SGCZ: variants seen among roughly 807,000 people sequenced by gnomAD.
SGCZ encodes the protein zeta-sarcoglycan.
SGCZ carries 40 observed loss-of-function variants against 41.3 expected under a neutral mutation model. That is an observed-to-expected ratio of 0.97 (90% CI 0.75 to 1.26). The LOEUF is 1.26. SGCZ is among the 50% of genes most tolerant of loss of function. SGCZ has a pLI of 0.00. For synonymous variants in SGCZ, 206 were observed against 137.5 expected (o/e 1.50, Z -3.49); for missense variants, 552 against 369.8 (o/e 1.49, Z -4.04).
In SGCZ at chr8:14,649,327, T is replaced by A. The variant is rs184107841; in HGVS notation, c.40-94401A>T. Reference sequence around the variant, plus strand: ...TAAGTATATCCATGACATGCATACTTTGCCAATGAGAAATAAGCTGGGTGT... The same window carrying A: ...TAAGTATATCCATGACATGCATACTATGCCAATGAGAAATAAGCTGGGTGT... On this transcript the variant is annotated intron_variant, in intron 1 of 7. Coordinates refer to ENST00000382080, the MANE Select transcript of SGCZ (RefSeq NM_139167.4). Among the ~76,000 whole-genome samples, 12 of 152,252 alleles carry A rather than the reference T, an allele frequency of 7.9e-5. No homozygotes were observed. The East Asian group carries it at 2.3e-3, about 29-fold the overall frequency.
chr8:14,754,383 A>G (rs1017884258), intron 1 of SGCZ, among the ~76,000 whole-genome samples: 1 of 152,140 alleles, frequency 6.6e-6, no homozygotes, highest in African/African-American at 2.4e-5. Flanking sequence ...TCCATAGTAG[A>G]TACTACACTC....
chr8:14,952,659 T>G (rs1800676991), intron 1 of SGCZ, among the ~76,000 whole-genome samples: 1 of 152,186 alleles, frequency 6.6e-6, no homozygotes, highest in Non-Finnish European at 1.5e-5. Flanking sequence ...CCTCAGGAGA[T>G]AGTCTCTGTG....
chr8:14,268,169 C>A (rs894760281), intron 3 of SGCZ, among the ~76,000 whole-genome samples: 1 of 149,262 alleles, frequency 6.7e-6, no homozygotes, highest in Non-Finnish European at 1.5e-5. Context: ...ACAGAAACAA[C>A]GGAAGCAAAA....
intron 2 of SGCZ, among the ~76,000 whole-genome samples, chr8:14,393,237 C>CT: frequency 6.6e-6 from 1 of 152,056 alleles, no homozygotes; most frequent in Non-Finnish European, 1.5e-5. Flanking sequence ...CTCAGTAAGG[C>CT]TTTTCTCTTT....
chr8:14,358,722 T>C (rs779915111), intron 2 of SGCZ, among the ~76,000 whole-genome samples: 11 of 152,100 alleles, frequency 7.2e-5, no homozygotes, highest in Non-Finnish European at 1.5e-4. Flanking sequence ...AGCAATTCTC[T>C]GCCTCAGCCT....
chr8:14,657,575 G>T (rs895264405), intron 1 of SGCZ, among the ~76,000 whole-genome samples: 2 of 151,844 alleles, frequency 1.3e-5, no homozygotes, highest in African/African-American at 4.8e-5. Context: ...TCTTTTTCTT[G>T]GGAACTTTCT....
At position 14,992,564 on chromosome 8, in the gene SGCZ, C is replaced by T. The variant is rs974978952; in HGVS notation, c.39+245021G>A. 3.4e-5 allele frequency among the ~76,000 whole-genome samples: 5 copies of T among 148,692 alleles called. No individual in the cohort carries two copies. The South Asian group carries it at 6.6e-4, about 20-fold the overall frequency. ...AAACTAATGTTGGCATTGATATTTA[C>T]CCCTCACCCATCCTCCTCATCCAAT... On this transcript the variant is annotated intron_variant, in intron 1 of 7. Coordinates refer to ENST00000382080, the MANE Select transcript of SGCZ (RefSeq NM_139167.4).
intron 1 of SGCZ, among the ~76,000 whole-genome samples, chr8:15,136,913 GT>G (rs1462012818): frequency 2.0e-5 from 3 of 152,170 alleles, no homozygotes; most frequent in African/African-American, 7.2e-5. Flanking sequence ...TTGGAACTGG[GT>G]ACTAAAGGCA....
At chr8:14,663,402 T>C (rs1336203085) in intron 1 of SGCZ, among the ~76,000 whole-genome samples, 1 of 152,230 alleles carries the variant, frequency 6.6e-6, no homozygotes, top group Non-Finnish European at 1.5e-5. Context: ...ATTTCACCTA[T>C]AGATGTATGC....
At chr8:14,839,553 C>A (rs1802827866) in intron 1 of SGCZ, among the ~76,000 whole-genome samples, 1 of 152,122 alleles carries the variant, frequency 6.6e-6, no homozygotes, top group Non-Finnish European at 1.5e-5. Context: ...CAATAAGTTT[C>A]TTTTATTCAT....
intron 1 of SGCZ, among the ~76,000 whole-genome samples, chr8:14,871,453 C>A (rs764799720): frequency 3.9e-5 from 6 of 152,088 alleles, no homozygotes; most frequent in Non-Finnish European, 8.8e-5. Context: ...TACTGCAGCA[C>A]TATTCACAAT....
At chr8:14,630,917 T>C (rs1806628134) in intron 1 of SGCZ, among the ~76,000 whole-genome samples, 1 of 151,780 alleles carries the variant, frequency 6.6e-6, no homozygotes, top group African/African-American at 2.4e-5. Context: ...ATATACCTAA[T>C]GTAAATGACG....
At chr8:14,430,384 G>C (rs185242181) in intron 2 of SGCZ, among the ~76,000 whole-genome samples, 10 of 152,176 alleles carry the variant, frequency 6.6e-5, no homozygotes, top group African/African-American at 1.9e-4. Flanking sequence ...TGCAGTAATG[G>C]TTTAACATAT....
chr8:14,210,619 C>G (rs758364760), intron 4 of SGCZ, among the ~76,000 whole-genome samples: 39 of 151,828 alleles, frequency 2.6e-4, no homozygotes, highest in Non-Finnish European at 4.3e-4. Context: ...TGCGTCACCA[C>G]TCTCTGCTAA....
chr8:14,382,777 G>A (rs1267477398), intron 2 of SGCZ, among the ~76,000 whole-genome samples: 1 of 152,144 alleles, frequency 6.6e-6, no homozygotes, highest in African/African-American at 2.4e-5. Flanking sequence ...GTTTGCTTAT[G>A]GCTCTCTCAT....
intron 1 of SGCZ, among the ~76,000 whole-genome samples, chr8:14,791,042 A>G (rs1585263054): frequency 2.0e-5 from 3 of 147,120 alleles, no homozygotes; most frequent in Admixed American, 6.8e-5. Context: ...AAAAAAAAAG[A>G]AAAAAAAAAG....
chr8:14,227,064 G>C (rs1806397599), intron 4 of SGCZ, among the ~76,000 whole-genome samples: 1 of 152,014 alleles, frequency 6.6e-6, no homozygotes, highest in South Asian at 2.1e-4. Context: ...CACAGGTTAG[G>C]TGAGCAATCA....
intron 1 of SGCZ, among the ~76,000 whole-genome samples, chr8:15,106,113 C>T (rs978802051): frequency 1.3e-5 from 2 of 152,074 alleles, no homozygotes; most frequent in African/African-American, 4.8e-5. Flanking sequence ...TTTTATTACC[C>T]TTCTTTTAAA....
chr8:14,825,461 A>G (rs536090847), intron 1 of SGCZ, among the ~76,000 whole-genome samples: 3 of 152,312 alleles, frequency 2.0e-5, no homozygotes, highest in Admixed American at 2.0e-4. Flanking sequence ...TAATTTGTGC[A>G]TTGTCAAGTT....
Sources: allele counts gnomAD v4.1 joint callset (sites outside exome capture counted in the v4.1 genomes callset), GRCh38; gene constraint gnomAD v4.1.1; transcripts MANE v1.5; gene names NCBI Gene and HGNC (gene_info 2026-07-23, HGNC 2026-07-21).